Variants in FGD6 observed in about 807,000 individuals in gnomAD.
The protein encoded by FGD6 is FYVE, RhoGEF and PH domain containing 6.
A neutral mutation model predicts 149.4 loss-of-function variants in FGD6; 90 were observed. The observed-to-expected ratio is 0.60, with a 90% CI of 0.51 to 0.72. The LOEUF (loss-of-function observed/expected upper bound fraction) is 0.72. Ranked by LOEUF, FGD6 falls within the 30% of genes least tolerant of loss-of-function variation. The pLI is 0.00. For missense variants in FGD6, 1,437 were observed against 1,684.8 expected (o/e 0.85, Z 2.57); for synonymous variants, 527 against 584.0 (o/e 0.90, Z 1.41).
chr12:95,187,251 A>C (rs1881464971), intron 2 of FGD6, among the ~76,000 whole-genome samples: 1 of 151,968 alleles, frequency 6.6e-6, no homozygotes, highest in African/African-American at 2.4e-5. Flanking sequence ...GAATGGCATG[A>C]ACCCAGGAGG....
At chr12:95,177,489 T>G (rs770054453) in intron 2 of FGD6, among the ~76,000 whole-genome samples, 32 of 152,230 alleles carry the variant, frequency 2.1e-4, no homozygotes, top group Non-Finnish European at 3.8e-4. Context: ...GTTTCTTTCT[T>G]ATTTCCAAGT....
intron 2 of FGD6, among the ~76,000 whole-genome samples, chr12:95,174,394 C>G (rs1200905090): frequency 6.6e-6 from 1 of 152,146 alleles, no homozygotes; most frequent in Non-Finnish European, 1.5e-5. Context: ...ACCCTGTTAA[C>G]ACAACACATG....
intron 1 of FGD6, among the ~76,000 whole-genome samples, chr12:95,211,633 G>C (rs1015982352): frequency 4.0e-5 from 6 of 150,944 alleles, no homozygotes; most frequent in African/African-American, 1.5e-4. Context: ...TCTGCTTCCA[G>C]GGTTCAAGTA....
intron 2 of FGD6, among the ~76,000 whole-genome samples, chr12:95,177,908 A>ATTTATTT (rs1881178533): frequency 2.8e-5 from 4 of 142,384 alleles, no homozygotes; most frequent in South Asian, 2.3e-4. Context: ...TTTAAACAAC[A>ATTTATTT]ATTTATTTAT....
At chr12:95,083,030 T>TATACAC (rs772685891) in intron 20 of FGD6, among the ~76,000 whole-genome samples, 16 of 56,532 alleles carry the variant, frequency 2.8e-4, no homozygotes, top group Non-Finnish European at 3.9e-4. Context: ...TATATATATA[T>TATACAC]ACACACACAT....
chr12:95,158,334 AT>A lies in FGD6; in HGVS notation c.2587-5342del, dbSNP rs574831510. On this transcript the variant is annotated intron_variant, in intron 3 of 20. Transcript: ENST00000343958. ...AGGTGTGTGCCACCATGCACGGCTA[AT>A]TTTTTTTTTTTTTGTATTTTTAGTA... Among the ~76,000 whole-genome samples the A allele has an allele frequency of 2.8e-3, 400 of 140,802 alleles. 1 individual carries two copies. The highest frequency in any genetic ancestry group is 3.7e-3 in the African/African-American group (142 of 38,346). The allele number at this position is 140,802 out of a possible 152,430, so 92.4% of individuals were successfully genotyped here. A position where few individuals can be genotyped will look rare whatever the true frequency, so the allele number is the denominator to read the frequency against.
At chr12:95,103,324 A>G (rs1878509507) in intron 14 of FGD6, among the ~76,000 whole-genome samples, 2 of 152,162 alleles carry the variant, frequency 1.3e-5, no homozygotes, top group Admixed American at 1.3e-4. Flanking sequence ...GGAGCATGCT[A>G]TGACTATTGG....
At chr12:95,115,775 T>C (rs1384543876) in intron 8 of FGD6, among the ~76,000 whole-genome samples, 1 of 152,196 alleles carries the variant, frequency 6.6e-6, no homozygotes, top group Non-Finnish European at 1.5e-5. Flanking sequence ...ACAGGGGTAT[T>C]GGTGCCAGAT....
intron 8 of FGD6, among the ~76,000 whole-genome samples, chr12:95,121,463 AG>A (rs60700215): frequency 0.016 from 871 of 53,534 alleles, 17 homozygotes; most frequent in African/African-American, 0.081. Flanking sequence ...AAAAAAAAAA[AG>A]ATATATATAT....
At chr12:95,104,458 A>G (rs1878543460) in intron 14 of FGD6, among the ~76,000 whole-genome samples, 1 of 151,520 alleles carries the variant, frequency 6.6e-6, no homozygotes, top group African/African-American at 2.4e-5. Flanking sequence ...TTTTTTTGAG[A>G]CAGAATCTCT....
chr12:95,217,413 G>A lies in FGD6; in HGVS notation c.-173C>T. The A allele has an allele frequency of 9.3e-7, 1 of 1,070,848 alleles. No individual in the cohort carries two copies. Among genetic ancestry groups the A allele is most frequent in the Non-Finnish European group, 1.3e-6 (1 of 797,952 alleles). 66.3% of individuals were successfully genotyped at this position (1,070,848 alleles called of 1,614,324 possible). A position where few individuals can be genotyped will look rare whatever the true frequency, so the allele number is the denominator to read the frequency against. On this transcript the variant is annotated 5_prime_UTR_variant, in exon 1 of 21. Coordinates refer to ENST00000343958, the MANE Select transcript of FGD6 (RefSeq NM_018351.4). Reference sequence around the variant, plus strand: ...CACAAAGGACGCGGCCGACTCTAGCGACCCTGCGGCGCTCCCGGGCGCGAG... The same window carrying A: ...CACAAAGGACGCGGCCGACTCTAGCAACCCTGCGGCGCTCCCGGGCGCGAG...
intron 9 of FGD6, among the ~76,000 whole-genome samples, chr12:95,109,661 G>A (rs1376087156): frequency 6.6e-6 from 1 of 152,160 alleles, no homozygotes; most frequent in Admixed American, 6.5e-5. Flanking sequence ...TCAGGAGATC[G>A]AGACCAGCCT....
chr12:95,151,752 C>A (rs757220419), intron 5 of FGD6, among the ~76,000 whole-genome samples: 1 of 152,202 alleles, frequency 6.6e-6, no homozygotes, highest in Admixed American at 6.5e-5. Flanking sequence ...CATTTCTCCA[C>A]AATTAAGCCT....
chr12:95,148,234 T>G (rs1463647603), intron 5 of FGD6, among the ~76,000 whole-genome samples: 1 of 144,754 alleles, frequency 6.9e-6, no homozygotes, highest in African/African-American at 2.6e-5. Context: ...GATTTTAACA[T>G]GGAAAAAAAA....
chr12:95,178,674 G>A (rs1881198799), intron 2 of FGD6, among the ~76,000 whole-genome samples: 1 of 152,030 alleles, frequency 6.6e-6, no homozygotes, highest in South Asian at 2.1e-4. Context: ...AAAAATTAAT[G>A]ATTTTATTAT....
At chr12:95,193,832 G>A (rs924227319) in intron 2 of FGD6, among the ~76,000 whole-genome samples, 5 of 151,464 alleles carry the variant, frequency 3.3e-5, no homozygotes, top group Admixed American at 6.6e-5. Flanking sequence ...CCTGGCCCAT[G>A]CTGAATTTTT....
At chr12:95,109,458 A>C (rs1878739509) in intron 9 of FGD6, among the ~76,000 whole-genome samples, 1 of 152,226 alleles carries the variant, frequency 6.6e-6, no homozygotes, top group Non-Finnish European at 1.5e-5. Flanking sequence ...TATTCAGAAC[A>C]ATATGACAGT....
At chr12:95,213,357 T>C (rs1274074782) in intron 1 of FGD6, among the ~76,000 whole-genome samples, 2 of 152,266 alleles carry the variant, frequency 1.3e-5, no homozygotes, top group East Asian at 3.9e-4. Flanking sequence ...GGTGGGAGGA[T>C]TGCTTGAGCT....
chr12:95,077,386 G>A lies in FGD6; in HGVS notation c.*4134C>T, dbSNP rs1226654480. On this transcript the variant is annotated 3_prime_UTR_variant, in exon 21 of 21. Coordinates refer to ENST00000343958, the MANE Select transcript of FGD6 (RefSeq NM_018351.4). Reference sequence around the variant, plus strand: ...AGTCTGGAGGAATAGGGGAGAGAAAGACTAAGGGTCAGCTATCACAGAGAA... The same window carrying A: ...AGTCTGGAGGAATAGGGGAGAGAAAAACTAAGGGTCAGCTATCACAGAGAA... The A allele has an allele frequency of 6.6e-6, 1 of 152,342 alleles. No individual in the cohort carries two copies. The highest frequency in any genetic ancestry group is 2.4e-5 in the African/African-American group (1 of 41,454). 9.4% of individuals were successfully genotyped at this position (152,342 alleles called of 1,614,324 possible).
Sources: allele counts gnomAD v4.1 joint callset (sites outside exome capture counted in the v4.1 genomes callset), GRCh38; gene constraint gnomAD v4.1.1; transcripts MANE v1.5; gene names NCBI Gene and HGNC (gene_info 2026-07-23, HGNC 2026-07-21).